The following ST6GALNAC4 variants were observed in gnomAD, a reference collection of about 807,000 sequenced individuals.
ST6GALNAC4 encodes alpha-N-acetyl-neuraminyl-2,3-beta-galactosyl-1,3-N-acetyl-galactosaminide alpha-2,6-sialyltransferase.
In ST6GALNAC4, 24 loss-of-function variants were observed where a neutral mutation model predicts 30.4. That is an observed-to-expected ratio of 0.79 (90% CI 0.57 to 1.11). The LOEUF (loss-of-function observed/expected upper bound fraction) is 1.11. Among genes scored for constraint, ST6GALNAC4 ranks in the 50% most tolerant of loss-of-function variants. The pLI, the probability that ST6GALNAC4 is intolerant of heterozygous loss-of-function variation, is 0.00. For synonymous variants in ST6GALNAC4, 156 were observed against 179.7 expected (o/e 0.87, Z 1.05); for missense variants, 365 against 430.1 (o/e 0.85, Z 1.34).
intron 5 of ST6GALNAC4, among the ~76,000 whole-genome samples, chr9:127,909,324 G>A (rs1035710208): frequency 1.3e-5 from 2 of 151,404 alleles, no homozygotes; most frequent in South Asian, 2.1e-4. Flanking sequence ...GGGAGGTGGA[G>A]GTTGCAGTGA....
rs376770593 is a variant in ST6GALNAC4 at position 127,908,494 on chromosome 9, C to A, written c.807G>T (p.Ala269=). ...TGATGAAGCGGTGGGCGCTTCGGGG[C>A]GCCTGCTCGTGTGCCAGGTACATCT... ...ECQMYLAHEQ[A]PRSAHRFITE... is the part of the protein sequence containing the mutation. Residue 269 remains alanine, a synonymous_variant, in exon 6 of 6, where the codon GCG becomes GCT. Transcript: ENST00000335791. 4 of 1,610,108 alleles carry A rather than the reference C, an allele frequency of 2.5e-6. No homozygotes were observed. The highest frequency in any genetic ancestry group is 3.4e-6 in the Non-Finnish European group (4 of 1,177,248).
At position 127,914,751 on chromosome 9, in the gene ST6GALNAC4, C is replaced by T; in HGVS notation, c.103G>A (p.Ala35Thr). 1 of 1,607,206 alleles carries T rather than the reference C, an allele frequency of 6.2e-7. No individual in the cohort carries two copies. The highest frequency in any genetic ancestry group is 1.7e-5 in the Admixed American group (1 of 59,140). The change falls in exon 3 of 6, where the codon GCC (alanine) becomes ACC (threonine). Residue 35 changes from alanine to threonine, a missense_variant. Transcript: ENST00000335791. ...GGGAAGTGGTGGTCCAGGCAGGTGGCCAGGCAGAGGGGCAGGCCGGCCCAG... is the reference window on the plus strand; with the variant it reads ...GGGAAGTGGTGGTCCAGGCAGGTGGTCAGGCAGAGGGGCAGGCCGGCCCAG... ...CCWAGLPLCL[A>T]TCLDHHFPTG...
At chr9:127,915,103 G>A (rs551148034) in intron 2 of ST6GALNAC4, among the ~76,000 whole-genome samples, 2 of 152,246 alleles carry the variant, frequency 1.3e-5, no homozygotes, top group East Asian at 3.9e-4. Flanking sequence ...TGTAGTACAA[G>A]GCCATACAGC....
chr9:127,914,519 A>AT, intron 3 of ST6GALNAC4, 137 bp downstream of exon 3: 1 of 490,182 alleles, frequency 2.0e-6, no homozygotes, highest in Non-Finnish European at 3.3e-6. Context: ...AAAAAAAAAA[A>AT]GAACCTAGGG....
chr9:127,910,199 G>A (rs1831045995), intron 4 of ST6GALNAC4, 141 bp from the exon 5 acceptor site: 21 of 1,444,748 alleles, frequency 1.5e-5, no homozygotes, highest in Non-Finnish European at 1.8e-5. Context: ...AGGCTGGGGA[G>A]GGGACAGAGC....
intron 1 of ST6GALNAC4, 22 bp from the exon 2 acceptor site, chr9:127,916,516 G>A: frequency 1.4e-6 from 2 of 1,473,580 alleles, no homozygotes; most frequent in Non-Finnish European, 9.5e-7. Flanking sequence ...CAGAAACTCA[G>A]AGCCGGGAGG....
chr9:127,908,132 T>C lies in ST6GALNAC4; in HGVS notation c.*260A>G. On this transcript the variant is annotated 3_prime_UTR_variant, in exon 6 of 6. Transcript: ENST00000335791. Reference sequence around the variant, plus strand: ...AAAGGCCACTTGACAGACCTGGAGGTGGGGTGAGCCCCCAAATGCCGTGAA... The same window carrying C: ...AAAGGCCACTTGACAGACCTGGAGGCGGGGTGAGCCCCCAAATGCCGTGAA... The C allele has an allele frequency of 4.1e-6, 1 of 242,366 alleles. No individual in the cohort carries two copies. The highest frequency in any genetic ancestry group is 7.6e-5 in the East Asian group (1 of 13,220). 15.0% of individuals were successfully genotyped at this position (242,366 alleles called of 1,614,324 possible).
At position 127,911,050 on chromosome 9, in the gene ST6GALNAC4, G is replaced by A. The variant is rs1831064055; in HGVS notation, c.612-992C>T. Among the ~76,000 whole-genome samples the A allele has an allele frequency of 2.0e-5, 3 of 152,280 alleles. No homozygotes were observed. In the South Asian group the frequency reaches 6.2e-4, roughly 32 times the overall value. ...AAGATCTGGGAGAAGAACATTCCAG[G>A]GAGAGGGAACAGCAGGTGCAAAGTC... On this transcript the variant is annotated intron_variant, in intron 4 of 5. Coordinates refer to ENST00000335791, the MANE Select transcript of ST6GALNAC4 (RefSeq NM_175039.4).
chr9:127,908,407 G>A lies in ST6GALNAC4; in HGVS notation c.894C>T (p.Ser298=). ...KKRPIVFAHP[S]WRTE The stretch of plus-strand genomic sequence containing the variant: ...ACGACGGAAGCTACTCAGTCCTCCA[G>A]GACGGATGGGCGAACACGATGGGCC... Residue 298 remains serine (S), a synonymous_variant, in exon 6 of 6, where the codon TCC becomes TCT. Transcript: ENST00000335791. 3.2e-6 allele frequency: 5 copies of A among 1,573,658 alleles called. No individual in the cohort carries two copies. Among genetic ancestry groups the A allele is most frequent in the Non-Finnish European group, 4.3e-6 (5 of 1,151,266 alleles).
At chr9:127,916,044 G>T in intron 2 of ST6GALNAC4, 2 of 371,564 alleles carry the variant, frequency 5.4e-6, no homozygotes, top group Non-Finnish European at 9.8e-6. Context: ...GACTCAGGCA[G>T]TCGAGATGAA....
chr9:127,914,983 A>G, intron 2 of ST6GALNAC4, 142 bp from the exon 3 acceptor site: 1 of 713,262 alleles, frequency 1.4e-6, no homozygotes, highest in Non-Finnish European at 2.1e-6. Context: ...TCCAGTCTCC[A>G]TCCACTGGGC....
Position 127,912,662 on chromosome 9 carries a change from A to C in ST6GALNAC4, c.217T>G (p.Cys73Gly). Residue 73 changes from cysteine (C) to glycine (G), a missense_variant, in exon 4 of 6, where the codon TGC becomes GGC. Cys to Gly is a radical substitution (Grantham distance 159). Transcript: ENST00000335791. The stretch of plus-strand genomic sequence containing the variant: ...CTGGACACCACGGCACAGCTGCGGC[A>C]GGGCTCGCGGACCAGCGGCTGCAGG... ...PDGKPLVREP[C>G]RSCAVVSSSG... 1 of 1,580,182 alleles carries C rather than the reference A, an allele frequency of 6.3e-7. No individual in the cohort carries two copies. The highest frequency in any genetic ancestry group is 8.6e-7 in the Non-Finnish European group (1 of 1,164,616).
At chr9:127,914,568 G>T in intron 3 of ST6GALNAC4, 88 bp downstream of exon 3, 2 of 1,177,618 alleles carry the variant, frequency 1.7e-6, no homozygotes, top group Non-Finnish European at 2.3e-6. Flanking sequence ...TCACATGGCT[G>T]GTGAGTAGAG....
At chr9:127,912,038 T>A (rs993235456) in intron 4 of ST6GALNAC4, among the ~76,000 whole-genome samples, 1 of 152,168 alleles carries the variant, frequency 6.6e-6, no homozygotes, top group Non-Finnish European at 1.5e-5. Context: ...CATCAGGTGC[T>A]CAAAAGGCCT....
In ST6GALNAC4 at chr9:127,909,942, C is replaced by T. The variant is rs10739700; in HGVS notation, c.719+9G>A. The stretch of plus-strand genomic sequence containing the variant: ...CGCGTCCCCGCGTGCCCGGCCTGGC[C>T]GGTCTGACCTGCAGTAGCTGTCGCT... On this transcript the variant is annotated intron_variant, in intron 5 of 5. Coordinates refer to ENST00000335791, the MANE Select transcript of ST6GALNAC4 (RefSeq NM_175039.4). 1,479,725 of 1,612,808 alleles carry T rather than the reference C, an allele frequency of 0.92. 682,594 individuals carry two copies. The highest frequency in any genetic ancestry group is 0.94 in the Non-Finnish European group (1,112,608 of 1,179,644).
chr9:127,912,443 T>C lies in ST6GALNAC4; in HGVS notation c.436A>G (p.Thr146Ala). 1 of 1,614,074 alleles carries C rather than the reference T, an allele frequency of 6.2e-7. No homozygotes were observed. Among genetic ancestry groups the C allele is most frequent in the East Asian group, 2.2e-5 (1 of 44,888 alleles). The change falls in exon 4 of 6, where the codon ACG becomes GCG. Residue 146 changes from threonine (T) to alanine (A), a missense_variant. Transcript: ENST00000335791. Reference protein sequence around the residue: ...YSHYFQKARDTLYMVWGQGRH... With the variant: ...YSHYFQKARDALYMVWGQGRH... The stretch of plus-strand genomic sequence containing the variant: ...CCCTGGCCCCACACCATGTAGAGCG[T>C]GTCTCGGGCCTTCTGGAAGTAGTGT...
chr9:127,914,832 C>T lies in ST6GALNAC4; in HGVS notation c.22G>A (p.Val8Met), dbSNP rs781746597. Residue 8 changes from valine (V) to methionine (M), a missense_variant, in exon 3 of 6, where the codon GTG (valine) becomes ATG (methionine). Physicochemically the swap from Val to Met is conservative, Grantham distance 21. Transcript: ENST00000335791. MKAPGRL[V>M]LIILCSVVFS... Reference sequence around the variant, plus strand: ...ACCACGGAGCACAGGATGATGAGCACGAGCCGACCCTGAGGGAGACAGTGG... The same window carrying T: ...ACCACGGAGCACAGGATGATGAGCATGAGCCGACCCTGAGGGAGACAGTGG... The T allele has an allele frequency of 4.0e-6, 6 of 1,498,050 alleles. No homozygotes were observed. The highest frequency in any genetic ancestry group is 2.1e-5 in the Admixed American group (1 of 46,580). The allele number at this position is 1,498,050 out of a possible 1,614,324, so 92.8% of individuals were successfully genotyped here.
intron 2 of ST6GALNAC4, among the ~76,000 whole-genome samples, chr9:127,915,100 C>T (rs1460287049): frequency 6.6e-6 from 1 of 152,140 alleles, no homozygotes; most frequent in Admixed American, 6.5e-5. Context: ...GTGTGTAGTA[C>T]AAGGCCATAC....
At chr9:127,911,140 C>T (rs3780668) in intron 4 of ST6GALNAC4, among the ~76,000 whole-genome samples, 100,721 of 151,990 alleles carry the variant, frequency 0.66, 34,683 homozygotes, top group Non-Finnish European at 0.77. Flanking sequence ...AACAGGGAGA[C>T]TGAAGGAGAC....
Sources: gnomAD v4.1 joint callset for allele counts (sites outside exome capture counted in the v4.1 genomes callset) on GRCh38, gnomAD v4.1.1 for gene constraint, MANE v1.5 for transcripts, NCBI Gene and HGNC (gene_info 2026-07-23, HGNC 2026-07-21) for gene names.